Variants in SLC41A2 observed in about 807,000 individuals in gnomAD.
SLC41A2 encodes the protein SLC41A1-like 1.
A neutral mutation model predicts 58.3 loss-of-function variants in SLC41A2; 32 were observed. The ratio of observed to expected loss-of-function variants is 0.55; its 90% CI spans 0.41 to 0.74. The LOEUF (loss-of-function observed/expected upper bound fraction) is 0.74. Ranked by LOEUF, SLC41A2 falls within the 30% of genes least tolerant of loss-of-function variation. The probability of loss-of-function intolerance (pLI) is 0.00; values close to 1 mark genes in which losing one functional copy is unlikely to be tolerated. For missense variants in SLC41A2, 514 were observed against 680.6 expected (o/e 0.76, Z 2.72); for synonymous variants, 190 against 235.0 (o/e 0.81, Z 1.75).
rs1156899995 is a variant in SLC41A2, at chr12:104,804,861, T to C, written c.*291A>G. On this transcript the variant is annotated 3_prime_UTR_variant, in exon 11 of 11. Transcript: ENST00000258538. ...TCTGCTATGTTTGTGGTTTTAAAATTATTCACTGTAAACATCCTATATTCT... is the reference window on the plus strand; with the variant it reads ...TCTGCTATGTTTGTGGTTTTAAAATCATTCACTGTAAACATCCTATATTCT... 2 of 196,690 alleles carry C rather than the reference T, an allele frequency of 1.0e-5. No homozygotes were observed. Among genetic ancestry groups the C allele is most frequent in the Admixed American group, 5.8e-5 (1 of 17,220 alleles). The allele number at this position is 196,690 out of a possible 1,614,324, so 12.2% of individuals were successfully genotyped here. A position where few individuals can be genotyped will look rare whatever the true frequency, so the allele number is the denominator to read the frequency against.
intron 8 of SLC41A2, among the ~76,000 whole-genome samples, chr12:104,847,385 C>T (rs1245043187): frequency 6.6e-6 from 1 of 151,770 alleles, no homozygotes; most frequent in Non-Finnish European, 1.5e-5. Flanking sequence ...GGGTGGATCA[C>T]GAGGTTAGGA....
intron 6 of SLC41A2, among the ~76,000 whole-genome samples, chr12:104,869,795 T>G (rs1320954731): frequency 6.6e-6 from 1 of 152,342 alleles, no homozygotes. Context: ...TTGGATATAC[T>G]GGTGTTTTAT....
At chr12:104,925,938 G>T (rs1262861692) in intron 2 of SLC41A2, among the ~76,000 whole-genome samples, 1 of 152,162 alleles carries the variant, frequency 6.6e-6, no homozygotes, top group Non-Finnish European at 1.5e-5. Flanking sequence ...TCAAGTGGAT[G>T]TAGGTTTGCT....
chr12:104,901,599 G>T (rs1263198264), intron 3 of SLC41A2, among the ~76,000 whole-genome samples: 5 of 151,872 alleles, frequency 3.3e-5, no homozygotes, highest in Non-Finnish European at 7.4e-5. Flanking sequence ...GCCCAGGCTG[G>T]AGTGCAGTGG....
At chr12:104,906,748 C>T (rs901803035) in intron 3 of SLC41A2, among the ~76,000 whole-genome samples, 1 of 152,088 alleles carries the variant, frequency 6.6e-6, no homozygotes. Context: ...TAACGACGAA[C>T]GCATTTAACA....
At chr12:104,867,476 A>C (rs2043523947) in intron 6 of SLC41A2, among the ~76,000 whole-genome samples, 1 of 151,990 alleles carries the variant, frequency 6.6e-6, no homozygotes, top group South Asian at 2.1e-4. Context: ...AATGTTACTT[A>C]ATATTTTGAT....
intron 1 of SLC41A2, among the ~76,000 whole-genome samples, chr12:104,939,325 G>C (rs1008986460): frequency 2.0e-5 from 3 of 152,126 alleles, no homozygotes; most frequent in Admixed American, 1.3e-4. Flanking sequence ...AGCCTCCCGA[G>C]TAGCTAGGAC....
intron 3 of SLC41A2, among the ~76,000 whole-genome samples, chr12:104,906,925 G>A (rs1228405747): frequency 6.6e-6 from 1 of 152,128 alleles, no homozygotes; most frequent in Non-Finnish European, 1.5e-5. Flanking sequence ...CCTCCTCAGA[G>A]AAGTCTTTCC....
chr12:104,907,121 T>C (rs57144501), intron 3 of SLC41A2, among the ~76,000 whole-genome samples: 4,860 of 152,250 alleles, frequency 0.032, 145 homozygotes, highest in East Asian at 0.15. Flanking sequence ...ATATATAATC[T>C]GTAACTGTCA....
intron 2 of SLC41A2, among the ~76,000 whole-genome samples, chr12:104,917,713 T>C (rs997757848): frequency 6.6e-6 from 1 of 150,648 alleles, no homozygotes; most frequent in African/African-American, 2.4e-5. Context: ...TTAGTAAATA[T>C]CACAAGGACA....
At position 104,805,106 on chromosome 12, in the gene SLC41A2, C is replaced by A; in HGVS notation, c.*46G>T. ...TTGAAAAAGAGCCATAAGTGGTTGT[C>A]GTGTATTTTCTTCCTTGGTAACTTG... On this transcript the variant is annotated 3_prime_UTR_variant, in exon 11 of 11. Transcript: ENST00000258538. 1.3e-6 allele frequency: 2 copies of A among 1,482,492 alleles called. No homozygotes were observed. Among genetic ancestry groups the A allele is most frequent in the South Asian group, 2.6e-5 (2 of 75,608 alleles). The allele number at this position is 1,482,492 out of a possible 1,614,324, so 91.8% of individuals were successfully genotyped here. A position where few individuals can be genotyped will look rare whatever the true frequency, so the allele number is the denominator to read the frequency against.
chr12:104,805,086 A>G lies in SLC41A2; in HGVS notation c.*66T>C. On this transcript the variant is annotated 3_prime_UTR_variant, in exon 11 of 11. Transcript: ENST00000258538. ...AAACTACTGATTTAAGAGTTTTGAAAAAGAGCCATAAGTGGTTGTCGTGTA... is the reference window on the plus strand; with the variant it reads ...AAACTACTGATTTAAGAGTTTTGAAGAAGAGCCATAAGTGGTTGTCGTGTA... 7.4e-7 allele frequency: 1 copy of G among 1,356,098 alleles called. No individual in the cohort carries two copies. The highest frequency in any genetic ancestry group is 9.9e-7 in the Non-Finnish European group (1 of 1,006,640). 84.0% of individuals were successfully genotyped at this position (1,356,098 alleles called of 1,614,324 possible). A position where few individuals can be genotyped will look rare whatever the true frequency, so the allele number is the denominator to read the frequency against.
intron 8 of SLC41A2, among the ~76,000 whole-genome samples, chr12:104,860,577 T>C (rs1255404008): frequency 1.3e-5 from 2 of 151,826 alleles, no homozygotes; most frequent in Non-Finnish European, 2.9e-5. Flanking sequence ...TGAGGACCAA[T>C]AGATTTTTTT....
chr12:104,938,870 T>C (rs2047388084), intron 1 of SLC41A2, among the ~76,000 whole-genome samples: 1 of 152,208 alleles, frequency 6.6e-6, no homozygotes, highest in Non-Finnish European at 1.5e-5. Flanking sequence ...ACTGAGCACT[T>C]AAAGATTGCA....
Position 104,878,298 on chromosome 12 carries a change from T to TA in SLC41A2, c.1027+7994_1027+7995insT, listed in dbSNP as rs1284633805. ...AAATCTGCAAATAATATACCTGTAT[T>TA]TTATATATATATATATATATATATA... is the stretch of plus-strand genomic sequence containing the variant. On this transcript the variant is annotated intron_variant, in intron 6 of 10. Transcript: ENST00000258538. Among the ~76,000 whole-genome samples, 58 of 62,674 alleles carry TA rather than the reference T, an allele frequency of 9.3e-4. 1 individual carries two copies. The East Asian group carries it at 0.018, about 20-fold the overall frequency. The allele number at this position is 62,674 out of a possible 152,430, so 41.1% of individuals were successfully genotyped here. A position where few individuals can be genotyped will look rare whatever the true frequency, so the allele number is the denominator to read the frequency against.
At chr12:104,887,248 G>A (rs924725264) in intron 5 of SLC41A2, among the ~76,000 whole-genome samples, 3 of 151,878 alleles carry the variant, frequency 2.0e-5, no homozygotes, top group African/African-American at 7.2e-5. Flanking sequence ...ATATGGCTAT[G>A]GAGAAAAACA....
rs751029603 is a variant in SLC41A2 at position 104,861,381 on chromosome 12, T to G, written c.1176-11A>C. The stretch of plus-strand genomic sequence containing the variant: ...ATAAGGCCCCCAATGCTGAAAGAGA[T>G]AAAATTATATAATTTAGAGAAGAGG... On this transcript the variant is annotated splice_polypyrimidine_tract_variant and intron_variant, in intron 7 of 10. Transcript: ENST00000258538. 1.9e-6 allele frequency: 3 copies of G among 1,590,768 alleles called. No homozygotes were observed. The highest frequency in any genetic ancestry group is 1.7e-6 in the Non-Finnish European group (2 of 1,160,134).
At chr12:104,946,011 AT>A (rs1349263101) in intron 1 of SLC41A2, among the ~76,000 whole-genome samples, 8 of 152,194 alleles carry the variant, frequency 5.3e-5, no homozygotes, top group African/African-American at 1.9e-4. Flanking sequence ...AAAAGGTATG[AT>A]TTTCCCCCAT....
At chr12:104,830,103 T>C (rs1361905975) in intron 10 of SLC41A2, among the ~76,000 whole-genome samples, 1 of 152,214 alleles carries the variant, frequency 6.6e-6, no homozygotes, top group Non-Finnish European at 1.5e-5. Context: ...ATTAACCAGA[T>C]TGTTCTCAAT....
Sources: gnomAD v4.1 joint callset for allele counts (sites outside exome capture counted in the v4.1 genomes callset) on GRCh38, gnomAD v4.1.1 for gene constraint, MANE v1.5 for transcripts, NCBI Gene and HGNC (gene_info 2026-07-23, HGNC 2026-07-21) for gene names.